The following FAR1 variants were observed in gnomAD, a reference collection of about 807,000 sequenced individuals.
The protein encoded by FAR1 is male sterility domain-containing protein 2.
FAR1 carries 22 observed loss-of-function variants against 61.1 expected under a neutral mutation model. The ratio of observed to expected loss-of-function variants is 0.36; its 90% CI spans 0.26 to 0.51. The LOEUF (loss-of-function observed/expected upper bound fraction) is 0.51. FAR1 is among the 20% of genes least tolerant of loss of function. FAR1 has a pLI of 0.95. For missense variants in FAR1, 359 were observed against 626.9 expected, an observed-to-expected ratio of 0.57 and a Z score of 4.56; for synonymous variants, 206 against 209.7, an observed-to-expected ratio of 0.98 and a Z score of 0.15.
intron 9 of FAR1, chr11:13,720,703 A>G (rs554828674): frequency 9.1e-4 from 138 of 152,048 alleles, no homozygotes; most frequent in African/African-American, 3.2e-3. Context: ...TCCCATTTCT[A>G]AAACCCCTAA....
chr11:13,727,034 CCTT>C (rs1473992325), intron 10 of FAR1, among the ~76,000 whole-genome samples: 9 of 151,958 alleles, frequency 5.9e-5, no homozygotes, highest in African/African-American at 1.9e-4. Flanking sequence ...ATTTACCTAT[CCTT>C]CTCATCAAAT....
intron 1 of FAR1, among the ~76,000 whole-genome samples, chr11:13,670,730 C>A (rs1204208709): frequency 9.1e-6 from 1 of 109,306 alleles, no homozygotes. Context: ...TTTTTTTTTT[C>A]ACTCAGGAAA....
intron 1 of FAR1, among the ~76,000 whole-genome samples, chr11:13,693,950 C>G (rs1228777217): frequency 6.6e-6 from 1 of 152,154 alleles, no homozygotes; most frequent in Non-Finnish European, 1.5e-5. Context: ...TCCTTATTCT[C>G]TCTCTGGTTG....
At chr11:13,672,057 G>GAA (rs752358561) in intron 1 of FAR1, among the ~76,000 whole-genome samples, 1 of 152,168 alleles carries the variant, frequency 6.6e-6, no homozygotes, top group Non-Finnish European at 1.5e-5. Flanking sequence ...CGATTGAGAA[G>GAA]AAACCATTGA....
At chr11:13,727,030 C>G (rs1240535323) in intron 10 of FAR1, among the ~76,000 whole-genome samples, 1 of 151,948 alleles carries the variant, frequency 6.6e-6, no homozygotes, top group Non-Finnish European at 1.5e-5. Context: ...CTGGATTTAC[C>G]TATCCTTCTC....
At position 13,708,073 on chromosome 11, in the gene FAR1, C is replaced by T; in HGVS notation, c.539C>T (p.Ser180Phe). 1 of 1,578,734 alleles carries T rather than the reference C, an allele frequency of 6.3e-7. No homozygotes were observed. Among genetic ancestry groups the T allele is most frequent in the South Asian group, 1.2e-5 (1 of 84,450 alleles). ...PPVDPKKLID[S>F]LEWMDDGLVN... ...GTGGATCCCAAGAAGCTGATTGATT[C>T]TTTAGAGTATGTTTGTTTGAAATTT... The change falls in exon 4 of 12, where the codon TCT becomes TTT. Residue 180 changes from serine (S) to phenylalanine (F), a missense_variant. Transcript: ENST00000354817.
rs964916111 is a variant in FAR1 at position 13,729,460 on chromosome 11, C to G, written c.*686C>G. The stretch of plus-strand genomic sequence containing the variant: ...TCTAAATGGGTTTGAGAATCCATAT[C>G]AGCAACATACGTGTTTTTTGACAGA... On this transcript the variant is annotated 3_prime_UTR_variant, in exon 12 of 12. Transcript: ENST00000354817. The G allele has an allele frequency of 1.3e-5, 2 of 151,928 alleles. No homozygotes were observed. Among genetic ancestry groups the G allele is most frequent in the African/African-American group, 4.8e-5 (2 of 41,424 alleles). 9.4% of individuals were successfully genotyped at this position (151,928 alleles called of 1,614,324 possible). A position where few individuals can be genotyped will look rare whatever the true frequency, so the allele number is the denominator to read the frequency against.
At chr11:13,693,999 A>ATCTG (rs1164300131) in intron 1 of FAR1, among the ~76,000 whole-genome samples, 1 of 152,054 alleles carries the variant, frequency 6.6e-6, no homozygotes, top group African/African-American at 2.4e-5. Flanking sequence ...ATATTTTTCC[A>ATCTG]TCTGTATGCA....
intron 1 of FAR1, among the ~76,000 whole-genome samples, chr11:13,688,866 C>T (rs2134175723): frequency 6.6e-6 from 1 of 152,114 alleles, no homozygotes. Flanking sequence ...TTCTGTGTTG[C>T]CCAGGCTGAC....
chr11:13,678,406 A>C (rs1032712799), intron 1 of FAR1, among the ~76,000 whole-genome samples: 3 of 152,162 alleles, frequency 2.0e-5, no homozygotes, highest in Non-Finnish European at 2.9e-5. Flanking sequence ...CTGGGACTAC[A>C]GATGCCTGCC....
In FAR1 at chr11:13,731,513, T is replaced by A. The variant is rs1288915936; in HGVS notation, c.*2739T>A. 1 of 152,590 alleles carries A rather than the reference T, an allele frequency of 6.6e-6. No individual in the cohort carries two copies. The highest frequency in any genetic ancestry group is 1.5e-5 in the Non-Finnish European group (1 of 68,018). The allele number at this position is 152,590 out of a possible 1,614,324, so 9.5% of individuals were successfully genotyped here. On this transcript the variant is annotated 3_prime_UTR_variant, in exon 12 of 12. Coordinates refer to ENST00000354817, the MANE Select transcript of FAR1 (RefSeq NM_032228.6). ...TATTTCCATTATAGTATTTATTGTA[T>A]TTTTATGTTCTGAAAATTACCCATG...
chr11:13,669,737 T>G (rs554553298), intron 1 of FAR1: 1 of 152,332 alleles, frequency 6.6e-6, no homozygotes, highest in South Asian at 2.1e-4. Flanking sequence ...CTGATCCTCC[T>G]CCTACACTCC....
intron 1 of FAR1, among the ~76,000 whole-genome samples, chr11:13,672,350 G>C (rs1287975219): frequency 2.0e-5 from 3 of 150,024 alleles, no homozygotes; most frequent in Non-Finnish European, 4.4e-5. Context: ...AAGAGTTCAA[G>C]AGCAGCCTGG....
chr11:13,680,821 A>G (rs1184415495), intron 1 of FAR1, among the ~76,000 whole-genome samples: 1 of 152,172 alleles, frequency 6.6e-6, no homozygotes, highest in Non-Finnish European at 1.5e-5. Flanking sequence ...ACTTGGTGGG[A>G]CCAAACAAAC....
intron 4 of FAR1, among the ~76,000 whole-genome samples, chr11:13,709,962 C>T (rs1848479170): frequency 6.6e-6 from 1 of 152,072 alleles, no homozygotes; most frequent in Admixed American, 6.6e-5. Context: ...CCTCCTTTTA[C>T]AGATGAACAG....
chr11:13,674,736 A>T (rs1014934502), intron 1 of FAR1, among the ~76,000 whole-genome samples: 13 of 152,190 alleles, frequency 8.5e-5, no homozygotes, highest in African/African-American at 2.4e-4. Context: ...CTAATGAAAA[A>T]TTTTTTAAAT....
At chr11:13,717,872 T>C (rs571564647) in intron 9 of FAR1, among the ~76,000 whole-genome samples, 2 of 152,222 alleles carry the variant, frequency 1.3e-5, no homozygotes, top group African/African-American at 4.8e-5. Context: ...ACCCTTGATA[T>C]AGCAGTCTCT....
In FAR1 at chr11:13,729,371, T is replaced by A. The variant is rs1848698960; in HGVS notation, c.*597T>A. 1 of 151,966 alleles carries A rather than the reference T, an allele frequency of 6.6e-6. No individual in the cohort carries two copies. The highest frequency in any genetic ancestry group is 2.4e-5 in the African/African-American group (1 of 41,434). The allele number at this position is 151,966 out of a possible 1,614,324, so 9.4% of individuals were successfully genotyped here. On this transcript the variant is annotated 3_prime_UTR_variant, in exon 12 of 12. Transcript: ENST00000354817. ...GATTAAACGTCTGATGCATATCATT[T>A]TTCTATAAGTAATCAGTTGCTTTTA... is the stretch of plus-strand genomic sequence containing the variant.
intron 1 of FAR1, among the ~76,000 whole-genome samples, chr11:13,687,185 A>G (rs1283016368): frequency 1.3e-5 from 2 of 152,354 alleles, no homozygotes; most frequent in East Asian, 3.9e-4. Context: ...CTTGAAAATA[A>G]TGGTGATACA....
Sources: allele counts gnomAD v4.1 joint callset (sites outside exome capture counted in the v4.1 genomes callset), GRCh38; gene constraint gnomAD v4.1.1; transcripts MANE v1.5; gene names NCBI Gene and HGNC (gene_info 2026-07-23, HGNC 2026-07-21).